Variants in RAB19 observed in about 807,000 individuals in gnomAD.
RAB19 encodes RAB19, member RAS oncogene family, also known as ras-related protein Rab-19.
Under a neutral mutation model 17.3 loss-of-function variants are expected in RAB19, and 21 were observed. The ratio of observed to expected loss-of-function variants is 1.21; its 90% CI spans 0.86 to 1.74. The LOEUF is 1.74. Among genes scored for constraint, RAB19 ranks in the 40% most tolerant of loss-of-function variants. The pLI is 0.00. For synonymous variants in RAB19, 126 were observed against 110.4 expected (o/e 1.14, Z -0.88); for missense variants, 277 against 286.8 (o/e 0.97, Z 0.25).
chr7:140,421,161 G>T (rs1799556015), intron 3 of RAB19, among the ~76,000 whole-genome samples: 1 of 151,952 alleles, frequency 6.6e-6, no homozygotes, highest in African/African-American at 2.4e-5. Flanking sequence ...AAAGTGCTGG[G>T]GTTACAGGCA....
intron 1 of RAB19, among the ~76,000 whole-genome samples, chr7:140,405,575 A>G (rs1455318411): frequency 6.6e-6 from 1 of 151,792 alleles, no homozygotes; most frequent in African/African-American, 2.4e-5. Flanking sequence ...CAGGGCTCTC[A>G]TTATATTGCC....
At chr7:140,404,398 G>A (rs1799197923) in intron 1 of RAB19, 181 bp downstream of exon 1, 1 of 152,222 alleles carries the variant, frequency 6.6e-6, no homozygotes, top group African/African-American at 2.4e-5. Flanking sequence ...CTCAGCTCAA[G>A]TTACAGTGAT....
chr7:140,404,710 A>T (rs913174678), intron 1 of RAB19, among the ~76,000 whole-genome samples: 2 of 151,948 alleles, frequency 1.3e-5, no homozygotes, highest in Non-Finnish European at 2.9e-5. Flanking sequence ...GGCAATTTGC[A>T]GCACATCAAA....
intron 3 of RAB19, among the ~76,000 whole-genome samples, chr7:140,415,996 G>A (rs1799450755): frequency 1.3e-5 from 2 of 151,946 alleles, no homozygotes; most frequent in African/African-American, 2.4e-5. Flanking sequence ...CTTAAGGCCA[G>A]GAGTTCAACA....
In RAB19 at chr7:140,412,052, T is replaced by A. The variant is rs183591043; in HGVS notation, c.380T>A (p.Leu127Gln). The change falls in exon 3 of 4, where the codon CTG becomes CAG. Residue 127 changes from leucine (L) to glutamine (Q), a missense_variant. By Grantham distance (113) the Leu-to-Gln change is moderately radical. Transcript: ENST00000537763. ...GGAGCTGCAAATGTGGTCATTATGC[T>A]GATTGGTATGGCATTTTTGAAGTTT... Reference protein sequence around the residue: ...KYGAANVVIMLIGNKCDLWEK... With the variant: ...KYGAANVVIMQIGNKCDLWEK... 5.6e-6 allele frequency: 9 copies of A among 1,610,576 alleles called. No homozygotes were observed. The East Asian group carries it at 2.0e-4, about 36-fold the overall frequency.
intron 2 of RAB19, among the ~76,000 whole-genome samples, chr7:140,410,475 C>T (rs1040102880): frequency 1.1e-4 from 16 of 151,820 alleles, no homozygotes; most frequent in African/African-American, 3.6e-4. Flanking sequence ...TACAGGCGCC[C>T]GCCACGGCGC....
intron 3 of RAB19, among the ~76,000 whole-genome samples, chr7:140,423,754 T>C (rs1234973643): frequency 6.6e-6 from 1 of 152,224 alleles, no homozygotes; most frequent in Non-Finnish European, 1.5e-5. Flanking sequence ...ACTGTGGTGG[T>C]GATTGAAGGA....
rs144273653 is a variant in RAB19 at position 140,420,544 on chromosome 7, G to A, written c.386-5338G>A. On this transcript the variant is annotated intron_variant, in intron 3 of 3. Transcript: ENST00000537763. ...AAGGATGGCTTAGTAGGTAGGAAGA[G>A]TCTTAGACTAAGCACAATTCAAAGA... Among the ~76,000 whole-genome samples the A allele has an allele frequency of 2.9e-3, 437 of 152,190 alleles. 2 individuals carry two copies. Among genetic ancestry groups the A allele is most frequent in the African/African-American group, 0.01 (421 of 41,532 alleles).
At chr7:140,408,023 G>A (rs924953133) in intron 2 of RAB19, among the ~76,000 whole-genome samples, 176 bp downstream of exon 2, 1 of 147,996 alleles carries the variant, frequency 6.8e-6, no homozygotes, top group African/African-American at 2.5e-5. Context: ...AACTACAGGC[G>A]CCCGCCACCA....
At chr7:140,421,042 A>C (rs139013584) in intron 3 of RAB19, among the ~76,000 whole-genome samples, 1 of 151,246 alleles carries the variant, frequency 6.6e-6, no homozygotes, top group South Asian at 2.1e-4. Context: ...ATAGGCGCCC[A>C]CCACCACACC....
Position 140,427,274 on chromosome 7 carries a change from C to T in RAB19, c.*1124C>T, listed in dbSNP as rs1799688530. ...CAAGCAATTCTCCTGCCTCAGCCTCCCAAGTAGCTGGGACTACTGGCACTC... is the reference window on the plus strand; with the variant it reads ...CAAGCAATTCTCCTGCCTCAGCCTCTCAAGTAGCTGGGACTACTGGCACTC... On this transcript the variant is annotated 3_prime_UTR_variant, in exon 4 of 4. Coordinates refer to ENST00000537763, the MANE Select transcript of RAB19 (RefSeq NM_001008749.3). Among the ~76,000 whole-genome samples the T allele has an allele frequency of 6.6e-6, 1 of 151,454 alleles. No individual in the cohort carries two copies. Among genetic ancestry groups the T allele is most frequent in the South Asian group, 2.1e-4 (1 of 4,780 alleles).
chr7:140,424,649 G>GTGTA (rs1799629026), intron 3 of RAB19, among the ~76,000 whole-genome samples: 1 of 125,232 alleles, frequency 8.0e-6, no homozygotes. Context: ...ATGTGTGTGT[G>GTGTA]TATATATGTG....
At chr7:140,420,531 G>C (rs1799539773) in intron 3 of RAB19, among the ~76,000 whole-genome samples, 1 of 152,072 alleles carries the variant, frequency 6.6e-6, no homozygotes, top group South Asian at 2.1e-4. Context: ...GGATGGCTTA[G>C]TAGGTAGGAA....
At chr7:140,405,555 AGGGGGG>A (rs1237815547) in intron 1 of RAB19, among the ~76,000 whole-genome samples, 4 of 79,918 alleles carry the variant, frequency 5.0e-5, no homozygotes, top group African/African-American at 2.1e-4. Flanking sequence ...ATGGGCGGGG[AGGGGGG>A]GCGCAGGGCT....
rs146357700 is a variant in RAB19, at chr7:140,407,793, G to A, written c.147G>A (p.Thr49=). 72 of 1,612,950 alleles carry A rather than the reference G, an allele frequency of 4.5e-5. No homozygotes were observed. Among genetic ancestry groups the A allele is most frequent in the Admixed American group, 2.7e-4 (16 of 59,886 alleles). Reference sequence around the variant, plus strand: ...TCTACACTGAGACACAGCAGAACACGATTGGAGTGGACTTTACCGTGCGTT... The same window carrying A: ...TCTACACTGAGACACAGCAGAACACAATTGGAGTGGACTTTACCGTGCGTT... ...SGVYTETQQN[T]IGVDFTVRSL... Residue 49 remains threonine, a synonymous_variant, in exon 2 of 4, where the codon ACG becomes ACA. Transcript: ENST00000537763.
Position 140,410,313 on chromosome 7 carries a change from C to CTTTTTTTTTTT in RAB19, c.202-1547_202-1537dup, listed in dbSNP as rs762151021. Among the ~76,000 whole-genome samples, 12 of 81,038 alleles carry CTTTTTTTTTTT rather than the reference C, an allele frequency of 1.5e-4. 1 individual carries two copies. The highest frequency in any genetic ancestry group is 2.0e-4 in the Admixed American group (1 of 5,000). The allele number at this position is 81,038 out of a possible 152,430, so 53.2% of individuals were successfully genotyped here. ...ATGCCCAGCTAATTTTTGTATTTTT[C>CTTTTTTTTTTT]TTTTTTTTTTTTTTTTTTTTTTTTG... On this transcript the variant is annotated intron_variant, in intron 2 of 3. Coordinates refer to ENST00000537763, the MANE Select transcript of RAB19 (RefSeq NM_001008749.3).
chr7:140,421,449 C>G (rs1268506282), intron 3 of RAB19, among the ~76,000 whole-genome samples: 1 of 152,050 alleles, frequency 6.6e-6, no homozygotes, highest in Admixed American at 6.6e-5. Context: ...CAACCTCCAC[C>G]TCCTAGGTTC....
chr7:140,416,625 G>A (rs1799462801), intron 3 of RAB19, among the ~76,000 whole-genome samples: 1 of 152,168 alleles, frequency 6.6e-6, no homozygotes, highest in African/African-American at 2.4e-5. Context: ...CTTCCTTGGG[G>A]CAGGGCCGTC....
Position 140,407,813 on chromosome 7 carries a change from T to G in RAB19, c.167T>G (p.Val56Gly). 1 of 1,611,090 alleles carries G rather than the reference T, an allele frequency of 6.2e-7. No homozygotes were observed. Among genetic ancestry groups the G allele is most frequent in the Non-Finnish European group, 8.5e-7 (1 of 1,178,830 alleles). The change falls in exon 2 of 4, where the codon GTG (valine) becomes GGG (glycine). Residue 56 changes from valine (V) to glycine (G), a missense_variant. Val to Gly is a moderately radical substitution (Grantham distance 109). Coordinates refer to ENST00000537763, the MANE Select transcript of RAB19 (RefSeq NM_001008749.3). ...QQNTIGVDFT[V>G]RSLDIDGKKV... ...AACACGATTGGAGTGGACTTTACCG[T>G]GCGTTCCCTTGATATTGACGGCAAA...
Sources: allele counts gnomAD v4.1 joint callset (sites outside exome capture counted in the v4.1 genomes callset), GRCh38; gene constraint gnomAD v4.1.1; transcripts MANE v1.5; gene names NCBI Gene and HGNC (gene_info 2026-07-23, HGNC 2026-07-21).